CACNG2: variants seen among roughly 807,000 people sequenced by gnomAD.
The protein encoded by CACNG2 is voltage-dependent calcium channel gamma-2 subunit.
In CACNG2, 3 loss-of-function variants were observed where a neutral mutation model predicts 25.9. That is an observed-to-expected ratio of 0.12 (90% CI 0.05 to 0.30). The LOEUF is 0.30. Among genes scored for constraint, CACNG2 ranks in the 10% least tolerant of loss-of-function variants. The pLI is 1.00. For synonymous variants in CACNG2, 167 were observed against 173.3 expected (o/e 0.96, Z 0.29); for missense variants, 341 against 432.5 (o/e 0.79, Z 1.88).
chr22:36,582,768 C>T (rs1478927535), intron 2 of CACNG2, among the ~76,000 whole-genome samples: 1 of 151,390 alleles, frequency 6.6e-6, no homozygotes, highest in African/African-American at 2.4e-5. Context: ...CCCTGCTTGA[C>T]TTTTTTCCCC....
chr22:36,680,937 T>C (rs1398859911), intron 1 of CACNG2, among the ~76,000 whole-genome samples: 1 of 151,688 alleles, frequency 6.6e-6, no homozygotes, highest in Admixed American at 6.6e-5. Context: ...ACTCTGATTC[T>C]GGCCTTTATG....
chr22:36,688,358 A>C (rs1052312995), intron 1 of CACNG2, among the ~76,000 whole-genome samples: 5 of 151,940 alleles, frequency 3.3e-5, no homozygotes, highest in African/African-American at 9.7e-5. Flanking sequence ...CAGGCTTGAC[A>C]ACACAGCAAG....
intron 1 of CACNG2, among the ~76,000 whole-genome samples, chr22:36,661,750 G>A (rs1048101475): frequency 3.6e-4 from 55 of 152,200 alleles, no homozygotes; most frequent in African/African-American, 1.3e-3. Context: ...CTCTAGGATT[G>A]GAGGCAAGGT....
intron 1 of CACNG2, among the ~76,000 whole-genome samples, chr22:36,588,616 A>G (rs1444229139): frequency 6.6e-6 from 1 of 152,214 alleles, no homozygotes; most frequent in African/African-American, 2.4e-5. Context: ...GGTAAGATGC[A>G]GGTTGCACAG....
intron 1 of CACNG2, among the ~76,000 whole-genome samples, chr22:36,698,360 A>C (rs944899267): frequency 2.6e-5 from 4 of 152,234 alleles, no homozygotes; most frequent in African/African-American, 4.8e-5. Context: ...ATTATGGAGC[A>C]ATACTTGCAC....
chr22:36,587,699 C>A, intron 1 of CACNG2, 151 bp from the exon 2 acceptor site: 1 of 728,854 alleles, frequency 1.4e-6, no homozygotes, highest in Non-Finnish European at 2.5e-6. Context: ...TCCGTTTGGA[C>A]ATCTGCCTGG....
At chr22:36,664,759 G>A (rs911620963) in intron 1 of CACNG2, among the ~76,000 whole-genome samples, 2 of 152,192 alleles carry the variant, frequency 1.3e-5, no homozygotes, top group African/African-American at 4.8e-5. Flanking sequence ...AGACTGCAAT[G>A]TAATAAAACA....
intron 1 of CACNG2, among the ~76,000 whole-genome samples, chr22:36,593,345 C>T (rs1316567373): frequency 2.6e-5 from 4 of 152,152 alleles, no homozygotes; most frequent in South Asian, 2.1e-4. Context: ...AGTGAGCCAG[C>T]GCTCAGCTCC....
At chr22:36,570,340 A>C (rs1935204131) in intron 2 of CACNG2, among the ~76,000 whole-genome samples, 1 of 152,228 alleles carries the variant, frequency 6.6e-6, no homozygotes, top group Non-Finnish European at 1.5e-5. Flanking sequence ...TTCAGAAGCC[A>C]CCAAGGCAGC....
At chr22:36,673,011 A>T (rs987638693) in intron 1 of CACNG2, among the ~76,000 whole-genome samples, 1 of 152,228 alleles carries the variant, frequency 6.6e-6, no homozygotes, top group African/African-American at 2.4e-5. Context: ...GGATTGCTTG[A>T]GTCCAGGAGT....
intron 1 of CACNG2, among the ~76,000 whole-genome samples, chr22:36,678,268 T>G (rs1937042926): frequency 1.3e-5 from 2 of 152,154 alleles, no homozygotes; most frequent in South Asian, 2.1e-4. Flanking sequence ...GTCACACAAT[T>G]TGGGGTAGGA....
In CACNG2 at chr22:36,595,867, G is replaced by A. The variant is rs370949380; in HGVS notation, c.212-8319C>T. On this transcript the variant is annotated intron_variant, in intron 1 of 3. Transcript: ENST00000300105. ...GCCCCGCTGAGGCGGAAAGGCCAAG[G>A]GCTGTGCCGTGGGCTGGCACAGCTC... Among the ~76,000 whole-genome samples the A allele has an allele frequency of 2.6e-4, 39 of 152,340 alleles. No homozygotes were observed. The East Asian group carries it at 5.0e-3, about 20-fold the overall frequency.
intron 1 of CACNG2, among the ~76,000 whole-genome samples, chr22:36,627,661 TA>T (rs1428552919): frequency 7.9e-6 from 1 of 126,156 alleles, no homozygotes; most frequent in Non-Finnish European, 1.8e-5. Flanking sequence ...TTTTTTTTTT[TA>T]AAGAAACTGG....
intron 1 of CACNG2, among the ~76,000 whole-genome samples, chr22:36,675,970 G>A (rs1265848308): frequency 6.6e-6 from 1 of 152,168 alleles, no homozygotes; most frequent in Non-Finnish European, 1.5e-5. Flanking sequence ...AGGTTAGCAT[G>A]GCTGCCATCC....
At chr22:36,645,726 A>G (rs1303018487) in intron 1 of CACNG2, among the ~76,000 whole-genome samples, 1 of 152,212 alleles carries the variant, frequency 6.6e-6, no homozygotes. Flanking sequence ...GTGAAACATT[A>G]TATCTCTAGA....
Position 36,606,757 on chromosome 22 carries a change from C to CGTGTGT in CACNG2, c.212-19215_212-19210dup, listed in dbSNP as rs34178354. 3.4e-5 allele frequency among the ~76,000 whole-genome samples: 5 copies of CGTGTGT among 147,966 alleles called. No individual in the cohort carries two copies. The highest frequency in any genetic ancestry group is 7.5e-5 in the Non-Finnish European group (5 of 66,902). On this transcript the variant is annotated intron_variant, in intron 1 of 3. Transcript: ENST00000300105. The surrounding 1 kb of genome is among the most constrained non-coding windows in gnomAD (Gnocchi z 5.7). ...ACGGAAACCAGACGGTTGGGCTGTG[C>CGTGTGT]GTGTGTGTGTGTGTGTGTGTGTATG...
At chr22:36,595,213 C>A (rs1045404318) in intron 1 of CACNG2, among the ~76,000 whole-genome samples, 2 of 151,896 alleles carry the variant, frequency 1.3e-5, no homozygotes, top group African/African-American at 4.8e-5. Context: ...CAGGATAGTG[C>A]GGGACATAGG....
At chr22:36,655,773 TTTCCTTCC>T (rs372750299) in intron 1 of CACNG2, among the ~76,000 whole-genome samples, 12 of 145,540 alleles carry the variant, frequency 8.2e-5, no homozygotes, top group Non-Finnish European at 1.8e-4. Flanking sequence ...TTTCTCTTTC[TTTCCTTCC>T]TTCCTTCCTT....
At chr22:36,589,718 C>G (rs767137961) in intron 1 of CACNG2, among the ~76,000 whole-genome samples, 26 of 152,120 alleles carry the variant, frequency 1.7e-4, no homozygotes, top group Non-Finnish European at 1.6e-4. Flanking sequence ...CTGCTTTTTG[C>G]TGTCCCCACC....
Sources: gnomAD v4.1 joint callset for allele counts (sites outside exome capture counted in the v4.1 genomes callset) on GRCh38, gnomAD v4.1.1 for gene constraint, Gnocchi (gnomAD v3.1) non-coding constraint, MANE v1.5 for transcripts, NCBI Gene and HGNC (gene_info 2026-07-23, HGNC 2026-07-21) for gene names.